ATP5F1A: variants seen among roughly 807,000 people sequenced by gnomAD.
ATP5F1A encodes ATP synthase F1 subunit alpha.
Under a neutral mutation model 57.4 loss-of-function variants are expected in ATP5F1A, and 24 were observed. The ratio of observed to expected loss-of-function variants is 0.42; its 90% confidence interval spans 0.30 to 0.59. The LOEUF (loss-of-function observed/expected upper bound fraction) is 0.59. Among genes scored for constraint, ATP5F1A ranks in the 20% least tolerant of loss-of-function variants. The pLI is 0.19. For synonymous variants in ATP5F1A, 251 were observed against 255.5 expected, an observed-to-expected ratio of 0.98 and a Z score of 0.17; for missense variants, 494 against 707.9, an observed-to-expected ratio of 0.70 and a Z score of 3.43.
chr18:46,101,943 G>A (rs1280594323), upstream of ATP5F1A, among the ~76,000 whole-genome samples: 1 of 151,774 alleles, frequency 6.6e-6, no homozygotes, highest in Non-Finnish European at 1.5e-5. Flanking sequence ...GGGAGGCTGA[G>A]GTGGGCGGAT....
At chr18:46,100,964 T>C (rs1466542777), upstream of ATP5F1A, among the ~76,000 whole-genome samples, 5 of 152,060 alleles carry the variant, frequency 3.3e-5, no homozygotes, top group Non-Finnish European at 7.4e-5. Context: ...TCCCAGCTAC[T>C]TGGGAGGCTG....
intron 1 of ATP5F1A, among the ~76,000 whole-genome samples, chr18:46,097,144 G>A (rs1911025127): frequency 6.6e-6 from 1 of 151,928 alleles, no homozygotes; most frequent in Admixed American, 6.6e-5. Context: ...TTGTAATACT[G>A]CGACTGGTCA....
Position 46,088,273 on chromosome 18 carries a change from G to A in ATP5F1A, c.651-16C>T, listed in dbSNP as rs1910272532. Reference sequence around the variant, plus strand: ...TGAGGTTTTCCTTTAAAAAGAGAAAGTAAATATAAATCTTCCTAAACTTAA... The same window carrying A: ...TGAGGTTTTCCTTTAAAAAGAGAAAATAAATATAAATCTTCCTAAACTTAA... On this transcript the variant is annotated splice_polypyrimidine_tract_variant and intron_variant, in intron 5 of 11. Transcript: ENST00000398752. The A allele has an allele frequency of 6.4e-7, 1 of 1,562,412 alleles. No individual in the cohort carries two copies. Among genetic ancestry groups the A allele is most frequent in the Non-Finnish European group, 8.6e-7 (1 of 1,162,448 alleles).
At chr18:46,097,792 T>G in intron 1 of ATP5F1A, 1 of 1,050,114 alleles carries the variant, frequency 9.5e-7, no homozygotes, top group Non-Finnish European at 1.1e-6. Context: ...TTTTCTGACC[T>G]TCAGCGGGAC....
Position 46,082,597 on chromosome 18 carries a change from T to C in ATP5F1A, c.*1685A>G, listed in dbSNP as rs1312856483. The C allele has an allele frequency of 1.3e-5, 2 of 150,704 alleles. No individual in the cohort carries two copies. The highest frequency in any genetic ancestry group is 1.3e-4 in the Admixed American group (2 of 15,114). The allele number at this position is 150,704 out of a possible 1,614,324, so 9.3% of individuals were successfully genotyped here. A position where few individuals can be genotyped will look rare whatever the true frequency, so the allele number is the denominator to read the frequency against. ...TTCTCGGGAGGCTGAGGCAGGAGAA[T>C]TGCTTGAACCTGGAGGCAGAGGTTG... On this transcript the variant is annotated 3_prime_UTR_variant, in exon 12 of 12. Transcript: ENST00000398752.
At chr18:46,098,971 T>C (rs1911178063), upstream of ATP5F1A, among the ~76,000 whole-genome samples, 1 of 152,182 alleles carries the variant, frequency 6.6e-6, no homozygotes, top group African/African-American at 2.4e-5. Flanking sequence ...AGCATCAAGA[T>C]AAATAGCTAA....
intron 1 of ATP5F1A, among the ~76,000 whole-genome samples, chr18:46,096,837 G>A (rs1910993369): frequency 6.6e-6 from 1 of 151,796 alleles, no homozygotes; most frequent in African/African-American, 2.4e-5. Context: ...ACAAAAAGTA[G>A]CAGGGCATGA....
In ATP5F1A at chr18:46,084,023, C is replaced by A. The variant is rs145577825; in HGVS notation, c.*259G>T. 9 of 335,212 alleles carry A rather than the reference C, an allele frequency of 2.7e-5. No individual in the cohort carries two copies. The highest frequency in any genetic ancestry group is 1.3e-4 in the African/African-American group (6 of 46,452). 20.8% of individuals were successfully genotyped at this position (335,212 alleles called of 1,614,324 possible). A position where few individuals can be genotyped will look rare whatever the true frequency, so the allele number is the denominator to read the frequency against. ...AAAAAAAAACTTACAAAGAGCTCAG[C>A]CTTGAATTATCTAGCCCAGTTGACT... On this transcript the variant is annotated 3_prime_UTR_variant, in exon 12 of 12. Coordinates refer to ENST00000398752, the MANE Select transcript of ATP5F1A (RefSeq NM_004046.6).
At chr18:46,096,060 T>C in intron 1 of ATP5F1A, among the ~76,000 whole-genome samples, 1 of 151,980 alleles carries the variant, frequency 6.6e-6, no homozygotes, top group Non-Finnish European at 1.5e-5. Context: ...GGCTAATTTT[T>C]TTATTTTTAG....
At position 46,083,753 on chromosome 18, in the gene ATP5F1A, G is replaced by A. The variant is rs1278139867; in HGVS notation, c.*529C>T. ...CCAGCACTGTGGTAGGTAGGCCAAG[G>A]CAGGTGGATCACCTGAGGTCAGGAG... On this transcript the variant is annotated 3_prime_UTR_variant, in exon 12 of 12. Coordinates refer to ENST00000398752, the MANE Select transcript of ATP5F1A (RefSeq NM_004046.6). The A allele has an allele frequency of 6.6e-6, 1 of 152,614 alleles. No individual in the cohort carries two copies. The highest frequency in any genetic ancestry group is 2.4e-5 in the African/African-American group (1 of 41,446). 9.5% of individuals were successfully genotyped at this position (152,614 alleles called of 1,614,324 possible).
chr18:46,094,929 TGA>T (rs1370298660), intron 2 of ATP5F1A, 122 bp downstream of exon 2: 5 of 1,309,022 alleles, frequency 3.8e-6, no homozygotes, highest in Non-Finnish European at 5.0e-6. Flanking sequence ...TTTAAGAACC[TGA>T]GAGTCTATAC....
chr18:46,084,446 T>G, intron 11 of ATP5F1A, 58 bp downstream of exon 11: 1 of 1,575,032 alleles, frequency 6.3e-7, no homozygotes, highest in South Asian at 1.2e-5. Flanking sequence ...TGAAAATAAT[T>G]TTAACTTCAT....
chr18:46,096,405 CAGG>C (rs1910956093), intron 1 of ATP5F1A, among the ~76,000 whole-genome samples: 1 of 145,996 alleles, frequency 6.8e-6, no homozygotes, highest in Admixed American at 7.3e-5. Context: ...GAAGCTGAGG[CAGG>C]AGAATCGCTT....
In ATP5F1A at chr18:46,086,526, G is replaced by A. The variant is rs185330731; in HGVS notation, c.1177-32C>T. ...TGTAAGGAAATACGCACGCTAGCAA[G>A]CTTAAAGTAAGAAATCAACTATCTT... On this transcript the variant is annotated intron_variant, in intron 8 of 11. Coordinates refer to ENST00000398752, the MANE Select transcript of ATP5F1A (RefSeq NM_004046.6). 529 of 1,576,656 alleles carry A rather than the reference G, an allele frequency of 3.4e-4. 3 individuals are homozygous for A. The East Asian group carries it at 3.8e-3, about 11-fold the overall frequency.
intron 5 of ATP5F1A, 55 bp downstream of exon 5, chr18:46,089,511 T>C: frequency 6.3e-7 from 1 of 1,595,462 alleles, no homozygotes; most frequent in East Asian, 2.2e-5. Context: ...TAAAATATAA[T>C]CCTTCCATTG....
At chr18:46,094,319 A>C (rs1774468300) in intron 2 of ATP5F1A, among the ~76,000 whole-genome samples, 1 of 152,148 alleles carries the variant, frequency 6.6e-6, no homozygotes, top group African/African-American at 2.4e-5. Flanking sequence ...CTGCATCTGT[A>C]ATGTGCAAGT....
At chr18:46,093,024 C>G (rs1170343913) in intron 2 of ATP5F1A, among the ~76,000 whole-genome samples, 1 of 151,826 alleles carries the variant, frequency 6.6e-6, no homozygotes, top group African/African-American at 2.4e-5. Context: ...TGGTGCATGC[C>G]TGTAATCCCA....
chr18:46,086,264 T>C lies in ATP5F1A; in HGVS notation c.1285-7A>G. 1.2e-6 allele frequency: 2 copies of C among 1,613,858 alleles called. No individual in the cohort carries two copies. Among genetic ancestry groups the C allele is most frequent in the South Asian group, 2.2e-5 (2 of 91,060 alleles). On this transcript the variant is annotated splice_polypyrimidine_tract_variant and splice_region_variant and intron_variant, in intron 9 of 11. Transcript: ENST00000398752. ...GCTTCATGGTACCTGCTACCTGCAA[T>C]ACAGAAATTACTGTACTGTAACTCA...
At chr18:46,086,873 T>C in intron 8 of ATP5F1A, 135 bp downstream of exon 8, 2 of 962,114 alleles carry the variant, frequency 2.1e-6, no homozygotes, top group Non-Finnish European at 3.1e-6. Context: ...TCCTAACTTT[T>C]CTATGTATTT....
Sources: gnomAD v4.1 joint callset for allele counts (sites outside exome capture counted in the v4.1 genomes callset) on GRCh38, gnomAD v4.1.1 for gene constraint, MANE v1.5 for transcripts, NCBI Gene and HGNC (gene_info 2026-07-23, HGNC 2026-07-21) for gene names.